HEPACAM2: variants seen among roughly 807,000 people sequenced by gnomAD.
The protein encoded by HEPACAM2 is mitotic kinetics regulator.
Under a neutral mutation model 49.6 loss-of-function variants are expected in HEPACAM2, and 49 were observed. That is an observed-to-expected ratio of 0.99 (90% CI 0.78 to 1.25). HEPACAM2 has a LOEUF of 1.25. Ranked by LOEUF, HEPACAM2 falls within the 50% of genes most tolerant of loss-of-function variation. The pLI, the probability that HEPACAM2 is intolerant of heterozygous loss-of-function variation, is 0.00. For missense variants in HEPACAM2, 525 were observed against 557.2 expected, an observed-to-expected ratio of 0.94 and a Z score of 0.58; for synonymous variants, 197 against 202.9, an observed-to-expected ratio of 0.97 and a Z score of 0.25.
In HEPACAM2 at chr7:93,189,050, C is replaced by G. The variant is rs1444623627; in HGVS notation, c.*217G>C. 6.1e-6 allele frequency: 3 copies of G among 493,566 alleles called. No homozygotes were observed. The highest frequency in any genetic ancestry group is 1.1e-5 in the Non-Finnish European group (3 of 279,290). 30.6% of individuals were successfully genotyped at this position (493,566 alleles called of 1,614,324 possible). A position where few individuals can be genotyped will look rare whatever the true frequency, so the allele number is the denominator to read the frequency against. ...GACTCTCCACTGAGGAATATTTCCCCAACATGTTTTTCTGTTGCACAAGAC... is the reference window on the plus strand; with the variant it reads ...GACTCTCCACTGAGGAATATTTCCCGAACATGTTTTTCTGTTGCACAAGAC... On this transcript the variant is annotated 3_prime_UTR_variant, in exon 10 of 10. Transcript: ENST00000394468.
intron 3 of HEPACAM2, among the ~76,000 whole-genome samples, chr7:93,209,963 A>G (rs1794138977): frequency 6.6e-6 from 1 of 151,932 alleles, no homozygotes; most frequent in Non-Finnish European, 1.5e-5. Flanking sequence ...AAAAAGTTAC[A>G]TCTTCTTTAT....
intron 3 of HEPACAM2, among the ~76,000 whole-genome samples, chr7:93,210,269 A>G (rs750017952): frequency 2.2e-4 from 33 of 151,964 alleles, no homozygotes; most frequent in Non-Finnish European, 3.8e-4. Context: ...GCTTATGCAG[A>G]TAACAACATT....
upstream of HEPACAM2, among the ~76,000 whole-genome samples, chr7:93,227,304 A>G (rs189183745): frequency 1.3e-5 from 2 of 152,348 alleles, no homozygotes; most frequent in Non-Finnish European, 2.9e-5. Flanking sequence ...CTAAGTTATT[A>G]GTTAACCCCT....
At chr7:93,231,893 A>T in the HEPACAM2 span, among the ~76,000 whole-genome samples, 1 of 152,094 alleles carries the variant, frequency 6.6e-6, no homozygotes, top group Admixed American at 6.5e-5. Context: ...TCCTCAGGCC[A>T]AACCCAGCGC....
At chr7:93,217,671 T>C (rs1794336238) in intron 2 of HEPACAM2, among the ~76,000 whole-genome samples, 1 of 152,150 alleles carries the variant, frequency 6.6e-6, no homozygotes, top group Non-Finnish European at 1.5e-5. Flanking sequence ...GCAAAGGTTT[T>C]AAGCACTGAG....
chr7:93,224,924 A>G (rs1261083712), intron 1 of HEPACAM2, among the ~76,000 whole-genome samples: 2 of 152,218 alleles, frequency 1.3e-5, no homozygotes, highest in African/African-American at 2.4e-5. Context: ...CAAAACTTCA[A>G]TATTCCTAAA....
upstream of HEPACAM2, among the ~76,000 whole-genome samples, chr7:93,229,136 A>G (rs145285548): frequency 1.5e-3 from 232 of 152,306 alleles, 1 homozygote; most frequent in Middle Eastern, 0.027. Flanking sequence ...ACAGTGGGGA[A>G]TAAGAACTGG....
chr7:93,198,953 T>C (rs1361518889), intron 4 of HEPACAM2, among the ~76,000 whole-genome samples: 3 of 152,116 alleles, frequency 2.0e-5, no homozygotes. Flanking sequence ...CTTACAGGAA[T>C]CTTTTAATAA....
intron 4 of HEPACAM2, among the ~76,000 whole-genome samples, chr7:93,199,013 C>A (rs369085220): frequency 1.3e-5 from 2 of 151,996 alleles, no homozygotes; most frequent in African/African-American, 4.8e-5. Context: ...TCATGGAAAT[C>A]GGTTATCTCT....
intron 1 of HEPACAM2, among the ~76,000 whole-genome samples, chr7:93,220,578 T>C (rs140736177): frequency 1.3e-5 from 2 of 152,318 alleles, no homozygotes; most frequent in East Asian, 1.9e-4. Context: ...GAGATGCCCA[T>C]TAGACATCTA....
In HEPACAM2 at chr7:93,208,755, G is replaced by A. The variant is rs1794097934; in HGVS notation, c.837C>T (p.Thr279=). 1 of 1,613,142 alleles carries A rather than the reference G, an allele frequency of 6.2e-7. No individual in the cohort carries two copies. Among genetic ancestry groups the A allele is most frequent in the Admixed American group, 1.7e-5 (1 of 59,880 alleles). The stretch of plus-strand genomic sequence containing the variant: ...TGTCAGTCCTCCTAATCCAGGAGTA[G>A]GTGTTGGGGGGATGAGAATCAGCAG... The part of the protein sequence containing the change: ...DCSADSHPPN[T]YSWIRRTDNT... Residue 279 remains threonine (T), a synonymous_variant, in exon 4 of 10, where the codon ACC becomes ACT. Transcript: ENST00000394468.
chr7:93,197,562 C>T lies in HEPACAM2; in HGVS notation c.1061G>A (p.Ser354Asn). ...CAAAAATAGTGATATTCCAGTTATA[C>T]TTGCTAAAGGTGACAATGATTTTCC... The part of the protein sequence containing the change: ...QKGKSLSPLA[S>N]ITGISLFLII... Residue 354 changes from serine (S) to asparagine (N), a missense_variant, in exon 5 of 10, where the codon AGT (serine) becomes AAT (asparagine). Ser to Asn is a conservative substitution (Grantham distance 46, BLOSUM62 1). Coordinates refer to ENST00000394468, the MANE Select transcript of HEPACAM2 (RefSeq NM_001039372.4). The T allele has an allele frequency of 6.3e-7, 1 of 1,598,510 alleles. No homozygotes were observed. Among genetic ancestry groups the T allele is most frequent in the South Asian group, 1.1e-5 (1 of 89,854 alleles).
At chr7:93,231,429 T>C (rs1018176773), upstream of HEPACAM2, among the ~76,000 whole-genome samples, 3 of 152,220 alleles carry the variant, frequency 2.0e-5, no homozygotes. Context: ...AGTTCCTTAA[T>C]TTCGCCATAC....
At chr7:93,220,461 C>T (rs1242300153) in intron 1 of HEPACAM2, among the ~76,000 whole-genome samples, 1 of 152,174 alleles carries the variant, frequency 6.6e-6, no homozygotes, top group African/African-American at 2.4e-5. Flanking sequence ...TGACTCGGAC[C>T]AACTGGAAGA....
chr7:93,194,361 C>T (rs1175756021), intron 8 of HEPACAM2, among the ~76,000 whole-genome samples: 1 of 152,170 alleles, frequency 6.6e-6, no homozygotes, highest in African/African-American at 2.4e-5. Context: ...TCTTCAGTTT[C>T]CTGCTCTCCA....
intron 3 of HEPACAM2, 35 bp from the exon 4 acceptor site, chr7:93,208,911 C>G (rs763391627): frequency 1.7e-5 from 25 of 1,501,876 alleles, no homozygotes; most frequent in Non-Finnish European, 2.1e-5. Flanking sequence ...ATAAGTAACA[C>G]AAGTAATCAC....
intron 7 of HEPACAM2, among the ~76,000 whole-genome samples, 190 bp downstream of exon 7, chr7:93,197,051 G>A (rs1020014665): frequency 1.3e-5 from 2 of 152,014 alleles, no homozygotes; most frequent in Non-Finnish European, 2.9e-5. Context: ...TTACAGACTT[G>A]TGTGACTTAT....
At chr7:93,225,861 T>C in intron 1 of HEPACAM2, 1 of 1,175,102 alleles carries the variant, frequency 8.5e-7, no homozygotes, top group South Asian at 1.6e-5. Context: ...TAGGAAATTT[T>C]TTTGTTAGTT....
rs143419191 is a variant in HEPACAM2, at chr7:93,219,209, G to C, written c.322C>G (p.Leu108Val). The C allele has an allele frequency of 9.1e-5, 147 of 1,613,980 alleles. No homozygotes were observed. The highest frequency in any genetic ancestry group is 1.2e-4 in the Non-Finnish European group (143 of 1,179,910). Residue 108 changes from leucine (L) to valine (V), a missense_variant, in exon 2 of 10, where the codon CTT (leucine) becomes GTT (valine). By Grantham distance (32) the Leu-to-Val change is conservative. Coordinates refer to ENST00000394468, the MANE Select transcript of HEPACAM2 (RefSeq NM_001039372.4). Reference sequence around the variant, plus strand: ...TCAGGGAACTGCAGTGGGTTGATAAGCAGAGATGCATTGGGTGGCATCATG... The same window carrying C: ...TCAGGGAACTGCAGTGGGTTGATAACCAGAGATGCATTGGGTGGCATCATG... ...FTMMPPNASLLINPLQFPDEG... is the reference protein window; with the variant it reads ...FTMMPPNASLVINPLQFPDEG...
Sources: gnomAD v4.1 joint callset for allele counts (sites outside exome capture counted in the v4.1 genomes callset) on GRCh38, gnomAD v4.1.1 for gene constraint, MANE v1.5 for transcripts, NCBI Gene and HGNC (gene_info 2026-07-23, HGNC 2026-07-21) for gene names.